The following SMU1 variants were observed in gnomAD, a reference collection of about 807,000 sequenced individuals.
SMU1 encodes the protein SMU1 DNA replication regulator and spliceosomal factor.
A neutral mutation model predicts 62.0 loss-of-function variants in SMU1; 2 were observed. The observed-to-expected ratio is 0.03, with a 90% confidence interval of 0.01 to 0.10. SMU1 has a LOEUF of 0.10. Ranked by LOEUF, SMU1 falls within the 10% of genes least tolerant of loss-of-function variation. The pLI, the probability that SMU1 is intolerant of heterozygous loss-of-function variation, is 1.00. For missense variants in SMU1, 227 were observed against 622.1 expected (o/e 0.36, Z 6.76); for synonymous variants, 188 against 212.4 (o/e 0.89, Z 1.00).
At chr9:33,075,353 G>A (rs1393708513) in intron 1 of SMU1, among the ~76,000 whole-genome samples, 4 of 152,052 alleles carry the variant, frequency 2.6e-5, no homozygotes, top group Non-Finnish European at 5.9e-5. Context: ...TTCCAGCCTG[G>A]GTGACAGAGT....
chr9:33,072,848 A>AC lies in SMU1; in HGVS notation c.237+747_237+748insG, dbSNP rs371757408. Among the ~76,000 whole-genome samples the AC allele has an allele frequency of 4.1e-3, 622 of 151,510 alleles. 7 individuals are homozygous for AC. The highest frequency in any genetic ancestry group is 0.014 in the African/African-American group (568 of 40,998). ...TGTCTCAAAAAAAAAACAAAAAAAAAAACCCGTAAACAAAAACCAAAAACC... is the reference window on the plus strand; with the variant it reads ...TGTCTCAAAAAAAAAACAAAAAAAAACAACCCGTAAACAAAAACCAAAAACC... On this transcript the variant is annotated intron_variant, in intron 2 of 11. Coordinates refer to ENST00000397149, the MANE Select transcript of SMU1 (RefSeq NM_018225.3).
At position 33,071,331 on chromosome 9, in the gene SMU1, G is replaced by A. The variant is rs1249519674; in HGVS notation, c.390+409C>T. 3.9e-5 allele frequency among the ~76,000 whole-genome samples: 6 copies of A among 152,124 alleles called. 1 individual carries two copies. The highest frequency in any genetic ancestry group is 4.2e-4 in the South Asian group (2 of 4,816). On this transcript the variant is annotated intron_variant, in intron 3 of 11. Transcript: ENST00000397149. ...CATGCTCTACTGGTAAGCATAATCC[G>A]CGAAGAAACAAAAGCTTCTAGGGAC... is the stretch of plus-strand genomic sequence containing the variant.
At chr9:33,049,673 G>A (rs1839221924) in intron 10 of SMU1, among the ~76,000 whole-genome samples, 2 of 152,140 alleles carry the variant, frequency 1.3e-5, no homozygotes, top group Non-Finnish European at 1.5e-5. Flanking sequence ...GCTCATGCCT[G>A]TAATCCCAGC....
At chr9:33,063,923 T>C (rs915183090) in intron 4 of SMU1, among the ~76,000 whole-genome samples, 2 of 152,174 alleles carry the variant, frequency 1.3e-5, no homozygotes, top group African/African-American at 4.8e-5. Context: ...TTTAGTCAGT[T>C]CTCTGATTAA....
intron 9 of SMU1, among the ~76,000 whole-genome samples, chr9:33,053,970 C>T (rs894134421): frequency 6.6e-6 from 1 of 152,154 alleles, no homozygotes; most frequent in African/African-American, 2.4e-5. Flanking sequence ...AACCAGAAAG[C>T]TACCCTTGTC....
rs141620295 is a variant in SMU1 at position 33,043,992 on chromosome 9, TAAAAA to T, written c.*3296_*3300del. 30 of 118,106 alleles carry T rather than the reference TAAAAA, an allele frequency of 2.5e-4. No homozygotes were observed. The highest frequency in any genetic ancestry group is 4.1e-3 in the Middle Eastern group (1 of 244). 7.3% of individuals were successfully genotyped at this position (118,106 alleles called of 1,614,324 possible). A position where few individuals can be genotyped will look rare whatever the true frequency, so the allele number is the denominator to read the frequency against. On this transcript the variant is annotated 3_prime_UTR_variant, in exon 12 of 12. Coordinates refer to ENST00000397149, the MANE Select transcript of SMU1 (RefSeq NM_018225.3). Reference sequence around the variant, plus strand: ...ACCTGAGATTTATACCATTTGCTGTTAAAAAAAAAAAAAAAAAAAAAGCCATACTA... The same window carrying T: ...ACCTGAGATTTATACCATTTGCTGTTAAAAAAAAAAAAAAAAGCCATACTA...
intron 3 of SMU1, 129 bp from the exon 4 acceptor site, chr9:33,069,063 G>A (rs1297322159): frequency 1.5e-6 from 2 of 1,349,704 alleles, no homozygotes; most frequent in Non-Finnish European, 1.9e-6. Flanking sequence ...GTTAAAGAAG[G>A]GATTAGTTGA....
At chr9:33,055,033 AC>A (rs1222942897) in intron 9 of SMU1, among the ~76,000 whole-genome samples, 9 of 152,194 alleles carry the variant, frequency 5.9e-5, no homozygotes, top group African/African-American at 2.2e-4. Flanking sequence ...AAATCCCATG[AC>A]TGAAGTACTA....
intron 6 of SMU1, 126 bp from the exon 7 acceptor site, chr9:33,057,840 C>A (rs1839319176): frequency 8.5e-7 from 1 of 1,175,470 alleles, no homozygotes; most frequent in Admixed American, 2.2e-5. Flanking sequence ...AACAGAAGTG[C>A]CGTGCATACA....
chr9:33,066,573 C>T (rs1839422773), intron 4 of SMU1, among the ~76,000 whole-genome samples: 1 of 148,448 alleles, frequency 6.7e-6, no homozygotes. Flanking sequence ...TTTGGGAGGC[C>T]GAGGTGGGCA....
At chr9:33,072,254 T>C (rs1003505356) in intron 2 of SMU1, among the ~76,000 whole-genome samples, 31 of 152,182 alleles carry the variant, frequency 2.0e-4, no homozygotes, top group African/African-American at 5.1e-4. Context: ...GGAGAATTGC[T>C]TGAACCCGAG....
chr9:33,053,791 G>C (rs931963195), intron 9 of SMU1, among the ~76,000 whole-genome samples: 1 of 152,218 alleles, frequency 6.6e-6, no homozygotes, highest in East Asian at 1.9e-4. Context: ...AACTGTAATA[G>C]AGTAAGCATT....
At chr9:33,060,389 T>G in intron 6 of SMU1, 76 bp downstream of exon 6, 1 of 1,275,188 alleles carries the variant, frequency 7.8e-7, no homozygotes, top group Non-Finnish European at 1.1e-6. Context: ...ACTAATCTGA[T>G]TTAGAGGCCA....
intron 11 of SMU1, among the ~76,000 whole-genome samples, chr9:33,047,816 A>C (rs145254923): frequency 1.3e-5 from 2 of 152,242 alleles, no homozygotes; most frequent in East Asian, 3.9e-4. Context: ...CCGAGATCAC[A>C]CCACTGCACT....
intron 9 of SMU1, among the ~76,000 whole-genome samples, chr9:33,054,036 G>C (rs1313163663): frequency 6.6e-6 from 1 of 152,198 alleles, no homozygotes; most frequent in Non-Finnish European, 1.5e-5. Context: ...TGTAATGTCA[G>C]CACTTTGGGA....
chr9:33,053,498 C>G (rs570068431), intron 9 of SMU1, among the ~76,000 whole-genome samples: 1 of 152,108 alleles, frequency 6.6e-6, no homozygotes, highest in Admixed American at 6.5e-5. Flanking sequence ...TTCCAGGATC[C>G]CCTTTAGATA....
chr9:33,048,115 T>C lies in SMU1; in HGVS notation c.1434A>G (p.Arg478=). The C allele has an allele frequency of 6.2e-7, 1 of 1,614,012 alleles. No homozygotes were observed. Among genetic ancestry groups the C allele is most frequent in the African/African-American group, 1.3e-5 (1 of 75,026 alleles). ...AGTAAGTAATACTCACTGTCAAAGTTCTCTCCAGTTTGCCAGTGACTGTAC... is the reference window on the plus strand; with the variant it reads ...AGTAAGTAATACTCACTGTCAAAGTCCTCTCCAGTTTGCCAGTGACTGTAC... ...CFSTVTGKLE[R]TLTVHEKDVI... The change falls in exon 11 of 12, where the codon AGA becomes AGG. Residue 478 remains arginine, a synonymous_variant. Coordinates refer to ENST00000397149, the MANE Select transcript of SMU1 (RefSeq NM_018225.3).
At chr9:33,058,164 T>C (rs12379261) in intron 6 of SMU1, among the ~76,000 whole-genome samples, 16,953 of 152,234 alleles carry the variant, frequency 0.11, 1,145 homozygotes, top group Non-Finnish European at 0.15. Flanking sequence ...AACAGATTAC[T>C]TTTCTTATTT....
chr9:33,053,557 A>C (rs1439497565), intron 9 of SMU1, among the ~76,000 whole-genome samples: 2 of 152,210 alleles, frequency 1.3e-5, no homozygotes, highest in Non-Finnish European at 2.9e-5. Context: ...ATGTATTTGC[A>C]TATAACCTAT....
Sources: gnomAD v4.1 joint callset for allele counts (sites outside exome capture counted in the v4.1 genomes callset) on GRCh38, gnomAD v4.1.1 for gene constraint, MANE v1.5 for transcripts, NCBI Gene and HGNC (gene_info 2026-07-23, HGNC 2026-07-21) for gene names.